The following ZNF710 variants were observed in gnomAD, a reference collection of about 807,000 sequenced individuals.
ZNF710 encodes the protein zinc finger protein 710.
In ZNF710, 13 loss-of-function variants were observed where a neutral mutation model predicts 50.6. The ratio of observed to expected loss-of-function variants is 0.26; its 90% confidence interval spans 0.17 to 0.41. ZNF710 has a LOEUF of 0.41. Ranked by LOEUF, ZNF710 falls within the 10% of genes least tolerant of loss-of-function variation. The pLI is 1.00. For missense variants in ZNF710, 721 were observed against 936.6 expected (o/e 0.77, Z 3.01); for synonymous variants, 383 against 397.0 (o/e 0.96, Z 0.42).
intron 2 of ZNF710, 76 bp from the exon 3 acceptor site, chr15:90,072,995 C>G (rs554580471): frequency 2.0e-6 from 3 of 1,503,868 alleles, no homozygotes; most frequent in African/African-American, 1.4e-5. Flanking sequence ...CCTGCCCCTA[C>G]CCGGCTCCCC....
intron 1 of ZNF710, chr15:90,024,962 T>C (rs1267567948): frequency 6.6e-6 from 1 of 152,250 alleles, no homozygotes; most frequent in Non-Finnish European, 1.5e-5. Flanking sequence ...ATGCAGTTTT[T>C]TGAGTGGGCT....
chr15:90,020,491 C>G lies in ZNF710; in HGVS notation c.-29+18877C>G, dbSNP rs559105453. The stretch of plus-strand genomic sequence containing the variant: ...TGGAGGCCCGAACTGCCTCCCCGCC[C>G]CCGGGGAGACACAGCATGCCAGCTG... On this transcript the variant is annotated intron_variant, in intron 1 of 4. Transcript: ENST00000268154. Among the ~76,000 whole-genome samples the G allele has an allele frequency of 3.2e-3, 494 of 152,096 alleles. 2 individuals carry two copies. Among genetic ancestry groups the G allele is most frequent in the African/African-American group, 0.011 (444 of 41,524 alleles).
intron 1 of ZNF710, among the ~76,000 whole-genome samples, chr15:90,005,207 C>T (rs1459269251): frequency 1.3e-5 from 2 of 152,086 alleles, no homozygotes; most frequent in Non-Finnish European, 2.9e-5. Flanking sequence ...ATAGTGGGCC[C>T]TCAGTAGATA....
chr15:90,019,064 C>G (rs552164377), intron 1 of ZNF710, among the ~76,000 whole-genome samples: 1 of 149,466 alleles, frequency 6.7e-6, no homozygotes, highest in African/African-American at 2.5e-5. Flanking sequence ...TATAAGTAGG[C>G]AAAAAAGATA....
chr15:90,065,326 C>T (rs990945692), intron 1 of ZNF710, among the ~76,000 whole-genome samples: 1 of 152,162 alleles, frequency 6.6e-6, no homozygotes, highest in African/African-American at 2.4e-5. Context: ...GTAGTTGGTC[C>T]GTTGGGAGCC....
chr15:90,035,323 C>T (rs541290430), intron 1 of ZNF710, among the ~76,000 whole-genome samples: 7 of 152,166 alleles, frequency 4.6e-5, no homozygotes, highest in African/African-American at 1.4e-4. Context: ...CAGCATTGGC[C>T]GTCCGGCTCC....
At position 90,067,301 on chromosome 15, in the gene ZNF710, C is replaced by A. The variant is rs768765410; in HGVS notation, c.164C>A (p.Ala55Asp). The change falls in exon 2 of 5, where the codon GCC becomes GAC. Residue 55 changes from alanine (A) to aspartate (D), a missense_variant. Physicochemically the swap from Ala to Asp is moderately radical, Grantham distance 126. Around this residue, in one of 3 missense-constraint regions of ZNF710, gnomAD observed 326 missense variants for 347.1 expected, o/e 0.94. Coordinates refer to ENST00000268154, the MANE Select transcript of ZNF710 (RefSeq NM_198526.4). This position sits in a 1 kb window ranked among gnomAD's most constrained non-coding sequence, Gnocchi z 8.1. Reference protein sequence around the residue: ...PDLGPELSGAAMGEPEPPGPD... With the variant: ...PDLGPELSGADMGEPEPPGPD... ...CTGGGGCCCGAGCTTTCAGGGGCAGCCATGGGAGAGCCCGAGCCACCAGGC... is the reference window on the plus strand; with the variant it reads ...CTGGGGCCCGAGCTTTCAGGGGCAGACATGGGAGAGCCCGAGCCACCAGGC... 4 of 1,610,716 alleles carry A rather than the reference C, an allele frequency of 2.5e-6. No homozygotes were observed. Among genetic ancestry groups the A allele is most frequent in the Admixed American group, 3.4e-5 (2 of 59,574 alleles).
chr15:90,014,262 G>T (rs17832339), intron 1 of ZNF710, among the ~76,000 whole-genome samples: 3,836 of 152,068 alleles, frequency 0.025, 80 homozygotes, highest in Non-Finnish European at 0.036. Flanking sequence ...ATCAACTCTT[G>T]ACTCACAAAT....
In ZNF710 at chr15:90,034,279, A is replaced by C. The variant is rs1164985028; in HGVS notation, c.-29+32665A>C. On this transcript the variant is annotated intron_variant, in intron 1 of 4. Coordinates refer to ENST00000268154, the MANE Select transcript of ZNF710 (RefSeq NM_198526.4). The surrounding 1 kb of genome is among the most constrained non-coding windows in gnomAD (Gnocchi z 4.0). ...GGAGGGGTTCTTCTGCCAGATAGAA[A>C]CAAGATATCACATGCAAGAGGCTCT... Among the ~76,000 whole-genome samples the C allele has an allele frequency of 6.6e-6, 1 of 151,822 alleles. No individual in the cohort carries two copies. Among genetic ancestry groups the C allele is most frequent in the Admixed American group, 6.6e-5 (1 of 15,248 alleles).
intron 2 of ZNF710, among the ~76,000 whole-genome samples, chr15:90,072,725 TTGAA>T (rs933085718): frequency 6.6e-6 from 1 of 151,966 alleles, no homozygotes; most frequent in African/African-American, 2.4e-5. Context: ...TAAATGGTTG[TTGAA>T]TGAATGAATG....
At chr15:90,030,996 G>A (rs1485857267) in intron 1 of ZNF710, among the ~76,000 whole-genome samples, 1 of 122,568 alleles carries the variant, frequency 8.2e-6, no homozygotes. Flanking sequence ...TCCAGCCTGG[G>A]CGACAGAGCG....
intron 1 of ZNF710, among the ~76,000 whole-genome samples, chr15:90,035,130 C>T (rs183999546): frequency 2.8e-3 from 434 of 152,334 alleles, no homozygotes; most frequent in African/African-American, 9.8e-3. Flanking sequence ...AGGCTGGGCA[C>T]AGGCACATGG....
At chr15:90,004,243 C>G (rs961265759) in intron 1 of ZNF710, among the ~76,000 whole-genome samples, 2 of 152,150 alleles carry the variant, frequency 1.3e-5, no homozygotes, top group African/African-American at 4.8e-5. Context: ...AGAGATTTTG[C>G]ACTTCTATTT....
intron 1 of ZNF710, among the ~76,000 whole-genome samples, chr15:90,063,940 C>G (rs937483313): frequency 6.6e-6 from 1 of 152,296 alleles, no homozygotes; most frequent in African/African-American, 2.4e-5. Flanking sequence ...TCTTCCCCCC[C>G]ATAGAGATGA....
chr15:90,074,463 G>A, intron 4 of ZNF710, 173 bp downstream of exon 4: 1 of 1,532,092 alleles, frequency 6.5e-7, no homozygotes, highest in East Asian at 2.5e-5. Flanking sequence ...ATAACGATGG[G>A]ATATTTATGT....
chr15:90,078,751 T>C (rs947259064), intron 4 of ZNF710, among the ~76,000 whole-genome samples: 3 of 152,072 alleles, frequency 2.0e-5, no homozygotes, highest in Admixed American at 2.0e-4. Context: ...AGTGCCAAGG[T>C]TGAGAAAGTC....
At chr15:90,023,825 G>A (rs893080315) in intron 1 of ZNF710, among the ~76,000 whole-genome samples, 1 of 152,062 alleles carries the variant, frequency 6.6e-6, no homozygotes, top group Non-Finnish European at 1.5e-5. Context: ...GGCAAAACCC[G>A]GTCTCTACCA....
At chr15:90,021,137 C>G (rs1158188247) in intron 1 of ZNF710, among the ~76,000 whole-genome samples, 4 of 152,176 alleles carry the variant, frequency 2.6e-5, no homozygotes, top group Non-Finnish European at 4.4e-5. Context: ...CCCGCCTTAG[C>G]CTTGGGGAGC....
intron 1 of ZNF710, among the ~76,000 whole-genome samples, chr15:90,012,437 A>AT: frequency 6.6e-6 from 1 of 151,276 alleles, no homozygotes; most frequent in East Asian, 2.0e-4. Flanking sequence ...CACCTGGCTG[A>AT]TTTTTTGTAT....
Sources: allele counts gnomAD v4.1 joint callset (sites outside exome capture counted in the v4.1 genomes callset), GRCh38; gene constraint gnomAD v4.1.1; regional missense constraint gnomAD v4.1.1; non-coding constraint Gnocchi (gnomAD v3.1); transcripts MANE v1.5; gene names NCBI Gene and HGNC (gene_info 2026-07-23, HGNC 2026-07-21).